Variants in NUDCD1 observed in about 807,000 individuals in gnomAD.
The protein encoded by NUDCD1 is nudC domain-containing protein 1.
A neutral mutation model predicts 67.8 loss-of-function variants in NUDCD1; 60 were observed. The ratio of observed to expected loss-of-function variants is 0.88; its 90% CI spans 0.72 to 1.10. The LOEUF is 1.10. NUDCD1 is among the 50% of genes least tolerant of loss of function. NUDCD1 has a pLI of 0.00. For synonymous variants in NUDCD1, 244 were observed against 230.8 expected, an observed-to-expected ratio of 1.06 and a Z score of -0.52; for missense variants, 643 against 695.0, an observed-to-expected ratio of 0.93 and a Z score of 0.84.
intron 1 of NUDCD1, among the ~76,000 whole-genome samples, chr8:109,328,349 T>C (rs1166806856): frequency 6.6e-6 from 1 of 152,144 alleles, no homozygotes; most frequent in East Asian, 1.9e-4. Flanking sequence ...AGAGTACTTG[T>C]ATGCAGAGTT....
At chr8:109,286,017 A>T (rs1030196813) in intron 5 of NUDCD1, among the ~76,000 whole-genome samples, 1 of 152,082 alleles carries the variant, frequency 6.6e-6, no homozygotes, top group Non-Finnish European at 1.5e-5. Context: ...TCAAGCTGAG[A>T]GCCAAATCAA....
rs914531406 is a variant in NUDCD1 at position 109,243,211 on chromosome 8, A to G, written c.1550T>C (p.Val517Ala). The change falls in exon 10 of 10, where the codon GTA (valine) becomes GCA (alanine). Residue 517 changes from valine to alanine, a missense_variant. Physicochemically the swap from Val to Ala is moderately conservative, Grantham distance 64. Transcript: ENST00000239690. ...YAALCECLRRVFIYRQPAPMS... is the reference protein window; with the variant it reads ...YAALCECLRRAFIYRQPAPMS... ...GGGAGCAGGCTGACGATAGATGAAT[A>G]CTCGACGAAGGCACTCACAAAGGGC... The G allele has an allele frequency of 6.2e-7, 1 of 1,613,660 alleles. No individual in the cohort carries two copies. Among genetic ancestry groups the G allele is most frequent in the Non-Finnish European group, 8.5e-7 (1 of 1,179,694 alleles).
At chr8:109,313,980 C>T (rs1815325827) in intron 2 of NUDCD1, 1 of 365,678 alleles carries the variant, frequency 2.7e-6, no homozygotes, top group Non-Finnish European at 5.3e-6. Context: ...TGAAAGCAAA[C>T]TAAATGTTTC....
intron 8 of NUDCD1, among the ~76,000 whole-genome samples, chr8:109,265,024 G>A (rs1813963065): frequency 6.6e-6 from 1 of 151,666 alleles, no homozygotes; most frequent in Admixed American, 6.6e-5. Flanking sequence ...AGCTTAAGGA[G>A]GTAAAGACAG....
At chr8:109,249,556 A>G (rs1813575656) in intron 8 of NUDCD1, among the ~76,000 whole-genome samples, 1 of 152,232 alleles carries the variant, frequency 6.6e-6, no homozygotes, top group African/African-American at 2.4e-5. Flanking sequence ...TCATTTTGTC[A>G]TATAAATTCT....
At chr8:109,274,675 CA>C (rs1387989467) in intron 7 of NUDCD1, among the ~76,000 whole-genome samples, 2 of 152,104 alleles carry the variant, frequency 1.3e-5, no homozygotes, top group Non-Finnish European at 2.9e-5. Context: ...ATGCAAGTAA[CA>C]TTACAGTATA....
intron 2 of NUDCD1, among the ~76,000 whole-genome samples, chr8:109,319,086 G>C (rs1053141491): frequency 6.6e-6 from 1 of 150,994 alleles, no homozygotes; most frequent in Non-Finnish European, 1.5e-5. Flanking sequence ...CCATTCTCCT[G>C]CCTCAGCCTC....
chr8:109,243,167 TGTAAA>T lies in NUDCD1; in HGVS notation c.1589_1593del (p.Leu530GlnfsTer13). On this transcript the variant is annotated frameshift_variant, in exon 10 of 10. Coordinates refer to ENST00000239690, the MANE Select transcript of NUDCD1 (RefSeq NM_032869.4). LOFTEE classifies it high-confidence loss of function. ...CCTACTTGCCTGCCTTCCTTTCTGT[TGTAAA>T]GTACAGTGGACATGGGAGCAGGCTG... The T allele has an allele frequency of 6.2e-7, 1 of 1,613,936 alleles. No homozygotes were observed. Among genetic ancestry groups the T allele is most frequent in the Non-Finnish European group, 8.5e-7 (1 of 1,179,858 alleles).
intron 8 of NUDCD1, among the ~76,000 whole-genome samples, chr8:109,266,923 T>C (rs954749201): frequency 1.3e-5 from 2 of 152,174 alleles, no homozygotes; most frequent in South Asian, 2.1e-4. Context: ...ATATTTGTCA[T>C]TTAAAACATA....
At chr8:109,329,770 GT>G (rs1430082302) in intron 1 of NUDCD1, 1 of 1,535,326 alleles carries the variant, frequency 6.5e-7, no homozygotes, top group African/African-American at 1.4e-5. Context: ...TCATAAAGCT[GT>G]TTAATTTGTG....
chr8:109,245,255 TG>T, intron 9 of NUDCD1, 66 bp downstream of exon 9: 1 of 1,449,132 alleles, frequency 6.9e-7, no homozygotes. Context: ...AAAAAAGAAA[TG>T]AACTTTAAAT....
At chr8:109,329,024 A>C (rs2130153808) in intron 1 of NUDCD1, among the ~76,000 whole-genome samples, 1 of 152,362 alleles carries the variant, frequency 6.6e-6, no homozygotes, top group East Asian at 1.9e-4. Flanking sequence ...ATAAGTAAGT[A>C]GAAGCAAGAA....
At chr8:109,309,882 C>A (rs1215796432) in intron 2 of NUDCD1, among the ~76,000 whole-genome samples, 7 of 148,862 alleles carry the variant, frequency 4.7e-5, no homozygotes, top group Non-Finnish European at 4.5e-5. Context: ...AAAAACAAAA[C>A]AAACAAACAA....
At chr8:109,284,975 A>G (rs1409831249) in intron 5 of NUDCD1, among the ~76,000 whole-genome samples, 1 of 146,528 alleles carries the variant, frequency 6.8e-6, no homozygotes, top group African/African-American at 2.6e-5. Context: ...AGAAATGAAA[A>G]GGTAACATTA....
chr8:109,315,032 C>T (rs1273270290), intron 2 of NUDCD1, among the ~76,000 whole-genome samples: 3 of 151,890 alleles, frequency 2.0e-5, no homozygotes, highest in Non-Finnish European at 4.4e-5. Flanking sequence ...AAAACTTTGC[C>T]GTTTTAAAAG....
intron 3 of NUDCD1, among the ~76,000 whole-genome samples, chr8:109,294,824 C>T (rs969455639): frequency 1.3e-5 from 2 of 152,020 alleles, no homozygotes; most frequent in Non-Finnish European, 2.9e-5. Flanking sequence ...CCCTTGGCCC[C>T]CTTACCCCCC....
chr8:109,274,045 A>C (rs530224956), intron 7 of NUDCD1, among the ~76,000 whole-genome samples: 1 of 152,262 alleles, frequency 6.6e-6, no homozygotes, highest in African/African-American at 2.4e-5. Flanking sequence ...TCAGCACACT[A>C]CAAATAGAAG....
chr8:109,258,632 C>G (rs556890991), intron 8 of NUDCD1, among the ~76,000 whole-genome samples: 17 of 151,748 alleles, frequency 1.1e-4, no homozygotes, highest in African/African-American at 4.1e-4. Context: ...CTAGCTAAAA[C>G]AACAGCTTCT....
At chr8:109,257,136 A>G (rs1398404308) in intron 8 of NUDCD1, among the ~76,000 whole-genome samples, 2 of 152,128 alleles carry the variant, frequency 1.3e-5, no homozygotes, top group African/African-American at 2.4e-5. Flanking sequence ...CATTGCATCT[A>G]ATATCCTAGC....
Sources: gnomAD v4.1 joint callset for allele counts (sites outside exome capture counted in the v4.1 genomes callset) on GRCh38, gnomAD v4.1.1 for gene constraint, MANE v1.5 for transcripts, NCBI Gene and HGNC (gene_info 2026-07-23, HGNC 2026-07-21) for gene names.